HOMER2: variants seen among roughly 807,000 people sequenced by gnomAD.
HOMER2 encodes homer protein homolog 2.
A neutral mutation model predicts 47.0 loss-of-function variants in HOMER2; 27 were observed. The observed-to-expected ratio is 0.57, with a 90% confidence interval of 0.42 to 0.79. The LOEUF (loss-of-function observed/expected upper bound fraction) is 0.79, where lower values mean the gene tolerates loss of function less well. Ranked by LOEUF, HOMER2 falls within the 30% of genes least tolerant of loss-of-function variation. The probability of loss-of-function intolerance (pLI) is 0.00; values close to 1 mark genes in which losing one functional copy is unlikely to be tolerated. For synonymous variants in HOMER2, 161 were observed against 163.8 expected (o/e 0.98, Z 0.13); for missense variants, 443 against 435.0 (o/e 1.02, Z -0.16).
At chr15:82,963,792 GC>G (rs1267689998) in intron 1 of HOMER2, among the ~76,000 whole-genome samples, 1 of 152,110 alleles carries the variant, frequency 6.6e-6, no homozygotes, top group Non-Finnish European at 1.5e-5. Context: ...CAGACCACTG[GC>G]TGCTTTTACC....
chr15:82,850,218 C>T (rs996107084), intron 8 of HOMER2, among the ~76,000 whole-genome samples: 1 of 152,224 alleles, frequency 6.6e-6, no homozygotes, highest in African/African-American at 2.4e-5. Flanking sequence ...ACACAGGGCC[C>T]AGCAGGGAAA....
intron 4 of HOMER2, among the ~76,000 whole-genome samples, chr15:82,860,486 T>A (rs2667378): frequency 0.42 from 63,835 of 152,052 alleles, 14,039 homozygotes; most frequent in East Asian, 0.7. Flanking sequence ...TAGATTTGCA[T>A]ATGTTCACAT....
At chr15:82,917,949 C>A (rs545916477) in intron 1 of HOMER2, among the ~76,000 whole-genome samples, 4 of 152,046 alleles carry the variant, frequency 2.6e-5, no homozygotes, top group Non-Finnish European at 2.9e-5. Flanking sequence ...AGTTTAGGGG[C>A]GAGACTGCTG....
chr15:82,915,691 C>A (rs1290784238), intron 1 of HOMER2, among the ~76,000 whole-genome samples: 2 of 152,046 alleles, frequency 1.3e-5, no homozygotes, highest in African/African-American at 4.8e-5. Context: ...ATAAATAAAG[C>A]CTTAGAACTG....
chr15:82,944,752 T>A (rs568216480), intron 1 of HOMER2, among the ~76,000 whole-genome samples: 24 of 152,078 alleles, frequency 1.6e-4, no homozygotes, highest in African/African-American at 2.2e-4. Flanking sequence ...TTTTTTTTTT[T>A]AAATTTTTAA....
intron 2 of HOMER2, among the ~76,000 whole-genome samples, chr15:82,891,553 C>A (rs1463323834): frequency 3.9e-5 from 6 of 152,134 alleles, no homozygotes; most frequent in Admixed American, 1.3e-4. Context: ...TTCCCCACAC[C>A]TTCTGTTTGT....
intron 1 of HOMER2, among the ~76,000 whole-genome samples, chr15:82,984,181 G>C (rs564968888): frequency 2.6e-5 from 4 of 151,306 alleles, no homozygotes; most frequent in African/African-American, 4.9e-5. Flanking sequence ...TACAGGCGCC[G>C]GCCACCACGC....
rs556610767 is a variant in HOMER2, at chr15:82,894,586, G to C, written c.6-1745C>G. Among the ~76,000 whole-genome samples the C allele has an allele frequency of 2.4e-4, 36 of 151,214 alleles. No individual in the cohort carries two copies. In the Middle Eastern group the frequency reaches 0.017, roughly 72 times the overall value. ...CTCGGGAGGCTGAGGCAGAAGAATG[G>C]CGTGAACCCGGGAGGCAGAGCTTGC... On this transcript the variant is annotated intron_variant, in intron 1 of 8. Transcript: ENST00000450735.
chr15:82,973,302 G>A (rs779406660), intron 1 of HOMER2, among the ~76,000 whole-genome samples: 55 of 152,078 alleles, frequency 3.6e-4, no homozygotes, highest in Non-Finnish European at 6.9e-4. Flanking sequence ...CCATGGGCAG[G>A]GCACAGGCTT....
At chr15:82,847,618 G>T (rs546579118), downstream of HOMER2, among the ~76,000 whole-genome samples, 4 of 152,316 alleles carry the variant, frequency 2.6e-5, no homozygotes, top group South Asian at 6.2e-4. Context: ...ATGTACAAGT[G>T]GCTTCAGTAA....
intron 6 of HOMER2, 81 bp from the exon 7 acceptor site, chr15:82,852,333 C>A: frequency 1.0e-6 from 1 of 968,500 alleles, no homozygotes. Context: ...AGCTATGCTT[C>A]TCTTTTCTTT....
At chr15:82,898,522 A>T (rs1331904761) in intron 1 of HOMER2, 2 of 152,246 alleles carry the variant, frequency 1.3e-5, no homozygotes, top group Non-Finnish European at 2.9e-5. Context: ...GCTTCTTTAG[A>T]CAGACAATAT....
chr15:82,871,285 G>A (rs1428731971), intron 3 of HOMER2, among the ~76,000 whole-genome samples: 1 of 152,220 alleles, frequency 6.6e-6, no homozygotes, highest in Admixed American at 6.5e-5. Flanking sequence ...GGGGGGTAGA[G>A]AGGGAAGTAT....
intron 1 of HOMER2, among the ~76,000 whole-genome samples, chr15:82,962,663 T>A (rs1175676825): frequency 6.6e-6 from 1 of 151,760 alleles, no homozygotes; most frequent in African/African-American, 2.4e-5. Context: ...GGCAACAGAG[T>A]GAGACTCTGT....
At chr15:82,942,850 T>A (rs1001035324) in intron 1 of HOMER2, among the ~76,000 whole-genome samples, 1 of 152,176 alleles carries the variant, frequency 6.6e-6, no homozygotes, top group Non-Finnish European at 1.5e-5. Flanking sequence ...CTTAGCAATA[T>A]GAGGCAACAT....
At chr15:82,975,625 T>G (rs1379593945) in intron 1 of HOMER2, among the ~76,000 whole-genome samples, 2 of 152,178 alleles carry the variant, frequency 1.3e-5, no homozygotes, top group Non-Finnish European at 2.9e-5. Flanking sequence ...AGACAAACAT[T>G]GCATGTTCTC....
At chr15:82,907,014 G>T (rs1345781659) in intron 1 of HOMER2, among the ~76,000 whole-genome samples, 1 of 152,164 alleles carries the variant, frequency 6.6e-6, no homozygotes, top group Non-Finnish European at 1.5e-5. Context: ...AAAAATTAAT[G>T]AATCCACTAC....
At chr15:82,964,891 G>T (rs1007679116) in intron 1 of HOMER2, among the ~76,000 whole-genome samples, 40 of 152,360 alleles carry the variant, frequency 2.6e-4, no homozygotes, top group African/African-American at 9.4e-4. Context: ...GCAGGAAAAG[G>T]TTCCGTGCTC....
intron 1 of HOMER2, among the ~76,000 whole-genome samples, chr15:82,966,680 A>T (rs2098405910): frequency 6.6e-6 from 1 of 152,156 alleles, no homozygotes. Flanking sequence ...TTAACCTGGG[A>T]CCTCTCGGAT....
Sources: gnomAD v4.1 joint callset for allele counts (sites outside exome capture counted in the v4.1 genomes callset) on GRCh38, gnomAD v4.1.1 for gene constraint, MANE v1.5 for transcripts, NCBI Gene and HGNC (gene_info 2026-07-23, HGNC 2026-07-21) for gene names.